The following IL1RAPL1 variants were observed in gnomAD, a reference collection of about 807,000 sequenced individuals.
The protein encoded by IL1RAPL1 is interleukin 1 receptor accessory protein like 1.
A neutral mutation model predicts 48.4 loss-of-function variants in IL1RAPL1; 3 were observed. The observed-to-expected ratio is 0.06, with a 90% CI of 0.03 to 0.16. The LOEUF is 0.16. Among genes scored for constraint, IL1RAPL1 ranks in the 10% least tolerant of loss-of-function variants. IL1RAPL1 has a pLI of 1.00. For synonymous variants in IL1RAPL1, 185 were observed against 187.7 expected (o/e 0.99, Z 0.12); for missense variants, 349 against 530.6 (o/e 0.66, Z 3.36).
intron 2 of IL1RAPL1, among the ~76,000 whole-genome samples, chrX:29,067,414 G>T (rs974267185): frequency 8.9e-6 from 1 of 112,336 alleles, no homozygotes; most frequent in African/African-American, 3.2e-5. Flanking sequence ...TTTGGATGCG[G>T]AATTGCTTAA....
intron 2 of IL1RAPL1, among the ~76,000 whole-genome samples, chrX:28,881,093 T>C (rs1221538112): frequency 9.0e-6 from 1 of 111,545 alleles, no homozygotes; most frequent in Non-Finnish European, 1.9e-5. Context: ...TAGAGCCAGA[T>C]ATACTTTCTC....
intron 2 of IL1RAPL1, among the ~76,000 whole-genome samples, chrX:28,929,939 G>A (rs1474154087): frequency 8.9e-6 from 1 of 112,128 alleles, no homozygotes; most frequent in East Asian, 2.8e-4. Context: ...TATCCAGAGG[G>A]AAAGCACTGG....
intron 2 of IL1RAPL1, among the ~76,000 whole-genome samples, chrX:29,170,099 C>A (rs999134768): frequency 9.0e-6 from 1 of 111,630 alleles, no homozygotes; most frequent in East Asian, 2.8e-4. Flanking sequence ...AATAAGTCAA[C>A]AAGTTATTTG....
At chrX:28,988,215 T>C (rs1374481678) in intron 2 of IL1RAPL1, among the ~76,000 whole-genome samples, 3 of 111,997 alleles carry the variant, frequency 2.7e-5, no homozygotes, top group Non-Finnish European at 5.6e-5. Context: ...AAATACTGTT[T>C]AAATTTTTAC....
Position 29,912,554 on chromosome X carries a change from G to A in IL1RAPL1, c.779-4910G>A, listed in dbSNP as rs1932765525. Among the ~76,000 whole-genome samples the A allele has an allele frequency of 2.7e-5, 3 of 111,918 alleles. No individual in the cohort carries two copies. The South Asian group carries it at 1.1e-3, about 42-fold the overall frequency. On this transcript the variant is annotated intron_variant, in intron 6 of 10. Coordinates refer to ENST00000378993, the MANE Select transcript of IL1RAPL1 (RefSeq NM_014271.4). ...ACAGAAATATGTTCCAAAGTCTATG[G>A]AGAAAGGAGAAGAGAAGGAGGAAGA...
chrX:28,908,690 T>A (rs1330705852), intron 2 of IL1RAPL1, among the ~76,000 whole-genome samples: 1 of 111,851 alleles, frequency 8.9e-6, no homozygotes, highest in Non-Finnish European at 1.9e-5. Context: ...ACTCTATAAA[T>A]GTCGAATATA....
chrX:29,712,192 A>G (rs1168058323), intron 6 of IL1RAPL1, among the ~76,000 whole-genome samples: 1 of 109,976 alleles, frequency 9.1e-6, no homozygotes, highest in Admixed American at 9.8e-5. Flanking sequence ...TATTATCCAA[A>G]ACTTGCTATA....
intron 5 of IL1RAPL1, among the ~76,000 whole-genome samples, chrX:29,647,077 T>C (rs1363186301): frequency 8.9e-6 from 1 of 112,532 alleles, no homozygotes; most frequent in East Asian, 2.8e-4. Context: ...AGGCCGAGCG[T>C]GGTGGCTCAC....
chrX:28,916,643 T>A (rs1192560716), intron 2 of IL1RAPL1, among the ~76,000 whole-genome samples: 1 of 112,168 alleles, frequency 8.9e-6, no homozygotes, highest in African/African-American at 3.2e-5. Flanking sequence ...TTGGCCTGAC[T>A]TGGGGAGTGA....
intron 2 of IL1RAPL1, among the ~76,000 whole-genome samples, chrX:29,080,924 T>TTTTCTTTCTTTCTTTC (rs1270246223): frequency 4.4e-5 from 3 of 67,892 alleles, no homozygotes; most frequent in African/African-American, 6.1e-5. Context: ...TTTAAATATT[T>TTTTCTTTCTTTCTTTC]TTTCTTTCTT....
intron 3 of IL1RAPL1, among the ~76,000 whole-genome samples, chrX:29,375,660 G>T (rs1365205763): frequency 8.9e-6 from 1 of 111,828 alleles, no homozygotes; most frequent in Non-Finnish European, 1.9e-5. Flanking sequence ...TATTAAATTC[G>T]AATCCTCACT....
chrX:28,737,046 C>CCTTTT (rs146038961), intron 1 of IL1RAPL1, among the ~76,000 whole-genome samples: 4,119 of 94,292 alleles, frequency 0.044, 152 homozygotes, highest in Non-Finnish European at 0.06. Flanking sequence ...CTGAATATTT[C>CCTTTT]CTTTTCTTTT....
intron 6 of IL1RAPL1, among the ~76,000 whole-genome samples, chrX:29,859,170 T>C (rs1044083445): frequency 2.7e-5 from 3 of 111,966 alleles, no homozygotes; most frequent in African/African-American, 9.7e-5. Flanking sequence ...GCTAACTACA[T>C]GATGATAGCT....
At chrX:28,974,837 A>C (rs1424205512) in intron 2 of IL1RAPL1, among the ~76,000 whole-genome samples, 1 of 111,854 alleles carries the variant, frequency 8.9e-6, no homozygotes, top group Non-Finnish European at 1.9e-5. Context: ...ATCTTCTGGA[A>C]TCTTCTGTAT....
At chrX:29,415,819 T>C (rs777310220) in intron 5 of IL1RAPL1, among the ~76,000 whole-genome samples, 3 of 112,730 alleles carry the variant, frequency 2.7e-5, no homozygotes, top group African/African-American at 9.6e-5. Context: ...ACCAAGTTGA[T>C]TTGTTTAAGC....
intron 2 of IL1RAPL1, among the ~76,000 whole-genome samples, chrX:29,183,757 G>A (rs1470059982): frequency 8.9e-6 from 1 of 112,172 alleles, no homozygotes; most frequent in Non-Finnish European, 1.9e-5. Flanking sequence ...GCAATGGCAC[G>A]ATCTCAGCTC....
intron 1 of IL1RAPL1, among the ~76,000 whole-genome samples, chrX:28,756,979 A>T (rs1374774057): frequency 2.7e-5 from 3 of 112,097 alleles, no homozygotes; most frequent in Non-Finnish European, 5.6e-5. Flanking sequence ...CATCTATCTT[A>T]TAGAATCATT....
chrX:29,876,328 T>C, intron 6 of IL1RAPL1, among the ~76,000 whole-genome samples: 1 of 111,760 alleles, frequency 8.9e-6, no homozygotes, highest in Admixed American at 9.5e-5. Flanking sequence ...GTCATGTAAA[T>C]GAAGACTGCA....
intron 2 of IL1RAPL1, among the ~76,000 whole-genome samples, chrX:29,158,356 C>G (rs1929607225): frequency 1.8e-5 from 2 of 111,534 alleles, no homozygotes; most frequent in African/African-American, 6.5e-5. Flanking sequence ...AGAAAATATT[C>G]ACTTTTAATT....
Sources: allele counts gnomAD v4.1 joint callset (sites outside exome capture counted in the v4.1 genomes callset), GRCh38; gene constraint gnomAD v4.1.1; transcripts MANE v1.5; gene names NCBI Gene and HGNC (gene_info 2026-07-23, HGNC 2026-07-21).